The following ADAM2 variants were observed in gnomAD, a reference collection of about 807,000 sequenced individuals.
ADAM2 encodes ADAM metallopeptidase domain 2.
Under a neutral mutation model 99.3 loss-of-function variants are expected in ADAM2, and 101 were observed. The ratio of observed to expected loss-of-function variants is 1.02; its 90% CI spans 0.87 to 1.20. ADAM2 has a LOEUF of 1.20. Ranked by LOEUF, ADAM2 falls within the 50% of genes most tolerant of loss-of-function variation. The probability of loss-of-function intolerance (pLI) is 0.00; values close to 1 mark genes in which losing one functional copy is unlikely to be tolerated. For synonymous variants in ADAM2, 323 were observed against 287.6 expected, an observed-to-expected ratio of 1.12 and a Z score of -1.25; for missense variants, 948 against 878.7, an observed-to-expected ratio of 1.08 and a Z score of -1.00.
intron 7 of ADAM2, among the ~76,000 whole-genome samples, chr8:39,801,656 C>T (rs1804216947): frequency 6.6e-6 from 1 of 152,108 alleles, no homozygotes; most frequent in African/African-American, 2.4e-5. Flanking sequence ...TGGGGCCGCC[C>T]CTCCCCCTGG....
chr8:39,821,756 G>A (rs1805198462), intron 4 of ADAM2, 94 bp from the exon 5 acceptor site: 3 of 838,742 alleles, frequency 3.6e-6, no homozygotes, highest in East Asian at 2.7e-5. Context: ...TTGTTTTTAT[G>A]CATCAAACAC....
intron 3 of ADAM2, among the ~76,000 whole-genome samples, 188 bp from the exon 4 acceptor site, chr8:39,825,085 C>T (rs1012417302): frequency 6.6e-6 from 1 of 152,162 alleles, no homozygotes; most frequent in East Asian, 1.9e-4. Flanking sequence ...TCTATTGTTA[C>T]TCTGTCCTCC....
At chr8:39,762,879 T>C (rs1459083227) in intron 14 of ADAM2, among the ~76,000 whole-genome samples, 2 of 152,244 alleles carry the variant, frequency 1.3e-5, no homozygotes, top group Non-Finnish European at 2.9e-5. Context: ...TCTATCTATC[T>C]ACAGAGAGGA....
At chr8:39,796,255 A>G (rs904945376) in intron 7 of ADAM2, among the ~76,000 whole-genome samples, 12 of 152,032 alleles carry the variant, frequency 7.9e-5, no homozygotes, top group African/African-American at 2.9e-4. Context: ...TGCATTCTCA[A>G]TGTTCAGCTC....
intron 7 of ADAM2, among the ~76,000 whole-genome samples, chr8:39,802,217 G>A (rs142894856): frequency 1.3e-5 from 2 of 152,246 alleles, no homozygotes; most frequent in Non-Finnish European, 2.9e-5. Context: ...TCCCTTGGCT[G>A]GGGGGAGGGG....
chr8:39,788,830 A>G (rs1803583782), intron 7 of ADAM2, 90 bp from the exon 8 acceptor site: 1 of 656,918 alleles, frequency 1.5e-6, no homozygotes, highest in Non-Finnish European at 2.3e-6. Context: ...AATTTGGTGA[A>G]GTAATAAATT....
rs779295237 is a variant in ADAM2, at chr8:39,769,592, C to A, written c.1029-17G>T. 3 of 1,589,268 alleles carry A rather than the reference C, an allele frequency of 1.9e-6. No homozygotes were observed. Among genetic ancestry groups the A allele is most frequent in the East Asian group, 2.2e-5 (1 of 44,642 alleles). On this transcript the variant is annotated splice_polypyrimidine_tract_variant and intron_variant, in intron 11 of 20. Transcript: ENST00000265708. ...CTGAAATGACTAAAGACACATCAAA[C>A]GTCAAATTTTAATGTAAGGGTTTCC...
In ADAM2 at chr8:39,749,465, A is replaced by C; in HGVS notation, c.1876-15T>G. ...TTATTGCATACCTAAAAGAAGGAGA[A>C]ATATCACCTTATAAGATAAGCAACT... On this transcript the variant is annotated splice_polypyrimidine_tract_variant and intron_variant, in intron 17 of 20. Coordinates refer to ENST00000265708, the MANE Select transcript of ADAM2 (RefSeq NM_001464.5). 1 of 1,604,356 alleles carries C rather than the reference A, an allele frequency of 6.2e-7. No homozygotes were observed. The highest frequency in any genetic ancestry group is 1.1e-5 in the South Asian group (1 of 90,464).
chr8:39,834,058 A>G (rs1341924766), intron 2 of ADAM2, 59 bp from the exon 3 acceptor site: 1 of 916,358 alleles, frequency 1.1e-6, no homozygotes. Flanking sequence ...AGAAGGGATA[A>G]CCATCATTTT....
chr8:39,814,932 T>A (rs957206120), intron 6 of ADAM2, among the ~76,000 whole-genome samples: 16 of 151,552 alleles, frequency 1.1e-4, no homozygotes, highest in African/African-American at 3.9e-4. Flanking sequence ...TGTGAATGTA[T>A]AAGGAAAAGT....
chr8:39,787,643 T>C (rs1803526181), intron 9 of ADAM2, among the ~76,000 whole-genome samples: 2 of 151,472 alleles, frequency 1.3e-5, no homozygotes, highest in African/African-American at 4.8e-5. Flanking sequence ...AAAGGAAGGC[T>C]AATGTACTAA....
intron 18 of ADAM2, 70 bp from the exon 19 acceptor site, chr8:39,746,701 A>T: frequency 2.5e-6 from 3 of 1,185,256 alleles, no homozygotes; most frequent in Non-Finnish European, 3.6e-6. Flanking sequence ...TCTGTATTTT[A>T]CTACGTCTAC....
chr8:39,804,664 G>T (rs1019490633), intron 7 of ADAM2, among the ~76,000 whole-genome samples: 3 of 151,992 alleles, frequency 2.0e-5, no homozygotes, highest in Admixed American at 2.0e-4. Flanking sequence ...AAATAGTTAC[G>T]TTGACATTAA....
chr8:39,790,019 A>G (rs1232748436), intron 7 of ADAM2, among the ~76,000 whole-genome samples: 1 of 151,980 alleles, frequency 6.6e-6, no homozygotes, highest in African/African-American at 2.4e-5. Flanking sequence ...AATCACTGTA[A>G]TTCAAAAGAC....
intron 10 of ADAM2, among the ~76,000 whole-genome samples, chr8:39,780,426 T>G (rs1315644511): frequency 6.6e-6 from 1 of 152,156 alleles, no homozygotes; most frequent in African/African-American, 2.4e-5. Flanking sequence ...CAAAACTGAT[T>G]AGTGTTTTAG....
chr8:39,795,094 G>A lies in ADAM2; in HGVS notation c.571-6354C>T, dbSNP rs1803883197. On this transcript the variant is annotated intron_variant, in intron 7 of 20. Coordinates refer to ENST00000265708, the MANE Select transcript of ADAM2 (RefSeq NM_001464.5). ...TGGTAATTTACACTTTTAAAGTTTT[G>A]CTAAGTTAAGTTGAAGAATAGATAA... Among the ~76,000 whole-genome samples the A allele has an allele frequency of 2.0e-5, 3 of 152,018 alleles. No individual in the cohort carries two copies. The South Asian group carries it at 6.2e-4, about 32-fold the overall frequency.
chr8:39,786,894 A>G (rs1018325642), intron 10 of ADAM2, 80 bp downstream of exon 10: 6 of 1,059,416 alleles, frequency 5.7e-6, no homozygotes, highest in Non-Finnish European at 8.1e-6. Flanking sequence ...AAATTTTAAT[A>G]CACATAAAAA....
At chr8:39,776,671 A>G (rs1338426814) in intron 11 of ADAM2, among the ~76,000 whole-genome samples, 1 of 152,172 alleles carries the variant, frequency 6.6e-6, no homozygotes, top group Non-Finnish European at 1.5e-5. Flanking sequence ...AGGCTGAACC[A>G]AGGCAAGTTG....
intron 7 of ADAM2, among the ~76,000 whole-genome samples, chr8:39,800,314 G>T (rs1022903087): frequency 6.6e-6 from 1 of 152,102 alleles, no homozygotes; most frequent in African/African-American, 2.4e-5. Flanking sequence ...TAAATTCTGG[G>T]TTGAAAATTC....
Sources: allele counts gnomAD v4.1 joint callset (sites outside exome capture counted in the v4.1 genomes callset), GRCh38; gene constraint gnomAD v4.1.1; transcripts MANE v1.5; gene names NCBI Gene and HGNC (gene_info 2026-07-23, HGNC 2026-07-21).